Variants in UBR3 observed in about 807,000 individuals in gnomAD.
UBR3 encodes the protein ubiquitin protein ligase E3 component n-recognin 3.
In UBR3, 85 loss-of-function variants were observed where a neutral mutation model predicts 243.2. The observed-to-expected ratio is 0.35, with a 90% CI of 0.29 to 0.42. The LOEUF (loss-of-function observed/expected upper bound fraction) is 0.42, where lower values mean the gene tolerates loss of function less well. Ranked by LOEUF, UBR3 falls within the 10% of genes least tolerant of loss-of-function variation. The pLI is 1.00. For synonymous variants in UBR3, 748 were observed against 799.8 expected (o/e 0.94, Z 1.09); for missense variants, 1,686 against 2,300.8 (o/e 0.73, Z 5.47).
At chr2:169,987,757 A>G (rs1014176317) in intron 25 of UBR3, among the ~76,000 whole-genome samples, 2 of 152,008 alleles carry the variant, frequency 1.3e-5, no homozygotes, top group Admixed American at 6.6e-5. Context: ...ATTCTTACAT[A>G]TTTCTCCAGA....
chr2:169,970,235 G>GT (rs531832498), intron 24 of UBR3, among the ~76,000 whole-genome samples: 11,195 of 85,516 alleles, frequency 0.13, 953 homozygotes, highest in African/African-American at 0.19. Context: ...TTGTTCCTAG[G>GT]TTTTTTTTTT....
At chr2:169,883,477 A>G (rs1167778232) in intron 5 of UBR3, among the ~76,000 whole-genome samples, 1 of 152,216 alleles carries the variant, frequency 6.6e-6, no homozygotes, top group African/African-American at 2.4e-5. Context: ...AAGTATGTCC[A>G]GATTCAGTGG....
At position 170,065,275 on chromosome 2, in the gene UBR3, T is replaced by C. The variant is rs189988456; in HGVS notation, c.5019+3832T>C. Among the ~76,000 whole-genome samples the C allele has an allele frequency of 3.0e-4, 46 of 152,170 alleles. No homozygotes were observed. The Middle Eastern group carries it at 0.014, about 45-fold the overall frequency. On this transcript the variant is annotated intron_variant, in intron 35 of 38. Coordinates refer to ENST00000272793, the MANE Select transcript of UBR3 (RefSeq NM_172070.4). ...TGGTTTATACATTCATTTAGTCAGG[T>C]GTTTTAATACTTTTTTTGGGTGGGC...
chr2:170,077,307 C>T lies in UBR3; in HGVS notation c.5200-2507C>T. On this transcript the variant is annotated intron_variant, in intron 36 of 38. Transcript: ENST00000272793. ...GCCTATTTTCCCCAAATAACCTTGC[C>T]TCCTTGTGTCACAAGGCCCAACTCA... 3.9e-6 allele frequency: 3 copies of T among 768,350 alleles called. No homozygotes were observed. In the South Asian group the frequency reaches 4.0e-5, roughly 10 times the overall value. The allele number at this position is 768,350 out of a possible 1,614,324, so 47.6% of individuals were successfully genotyped here.
intron 10 of UBR3, among the ~76,000 whole-genome samples, chr2:169,907,032 C>CTTTCT (rs1553508749): frequency 8.0e-6 from 1 of 125,140 alleles, no homozygotes. Context: ...GTTCAAATTT[C>CTTTCT]TTTCTTTTTT....
At chr2:170,000,920 C>T (rs187665054) in intron 26 of UBR3, among the ~76,000 whole-genome samples, 5 of 152,056 alleles carry the variant, frequency 3.3e-5, no homozygotes, top group African/African-American at 7.2e-5. Context: ...GGAAAGTAGG[C>T]GTTTCAAGAA....
chr2:169,939,094 T>C (rs988778935), intron 19 of UBR3, among the ~76,000 whole-genome samples: 1 of 152,112 alleles, frequency 6.6e-6, no homozygotes, highest in African/African-American at 2.4e-5. Context: ...CTTGTGTTTT[T>C]ATTCCTATTA....
At chr2:169,960,524 A>G (rs73017623) in intron 24 of UBR3, among the ~76,000 whole-genome samples, 6,515 of 152,112 alleles carry the variant, frequency 0.043, 162 homozygotes, top group Middle Eastern at 0.061. Context: ...GTTTATTGAC[A>G]CTACTTTCCC....
chr2:169,909,005 T>C (rs963620617), intron 10 of UBR3, among the ~76,000 whole-genome samples: 3 of 151,986 alleles, frequency 2.0e-5, no homozygotes, highest in African/African-American at 4.8e-5. Context: ...TTGTATTTTT[T>C]TTAGTAGAAA....
intron 37 of UBR3, 68 bp downstream of exon 37, chr2:170,080,091 C>T (rs2091881776): frequency 7.3e-7 from 1 of 1,379,248 alleles, no homozygotes; most frequent in Non-Finnish European, 1.0e-6. Context: ...ATGGTCAAGC[C>T]ATCTCTTCAT....
chr2:169,907,226 A>C (rs2085051489), intron 10 of UBR3, among the ~76,000 whole-genome samples: 1 of 151,648 alleles, frequency 6.6e-6, no homozygotes, highest in Non-Finnish European at 1.5e-5. Flanking sequence ...TTGTAGAGAC[A>C]GGGTTTCACC....
chr2:169,966,241 A>G (rs1420662503), intron 24 of UBR3, among the ~76,000 whole-genome samples: 2 of 152,176 alleles, frequency 1.3e-5, no homozygotes, highest in Non-Finnish European at 2.9e-5. Flanking sequence ...ACCTTGATCC[A>G]TTAAGATTTG....
Position 169,878,561 on chromosome 2 carries a change from A to G in UBR3, c.1025A>G (p.Asp342Gly). Reference protein sequence around the residue: ...IGATGTLGQVDSSDEDDQDGS... With the variant: ...IGATGTLGQVGSSDEDDQDGS... ...GCAACAGGAACTTTGGGACAAGTGG[A>G]TTCTTCAGATGAGGTGAGATTTAAA... Residue 342 changes from aspartate to glycine, a missense_variant, in exon 5 of 39, where the codon GAT becomes GGT. Physicochemically the swap from Asp to Gly is moderately conservative, Grantham distance 94. Around this residue, in one of 8 missense-constraint regions of UBR3, gnomAD observed 200 missense variants for 231.6 expected, o/e 0.86. Transcript: ENST00000272793. The G allele has an allele frequency of 6.4e-7, 1 of 1,551,252 alleles. No individual in the cohort carries two copies. The highest frequency in any genetic ancestry group is 8.7e-7 in the Non-Finnish European group (1 of 1,146,672).
chr2:169,961,501 G>A (rs2087570422), intron 24 of UBR3, among the ~76,000 whole-genome samples: 1 of 152,086 alleles, frequency 6.6e-6, no homozygotes, highest in South Asian at 2.1e-4. Context: ...AATAATGCAT[G>A]TTTGGTAGCT....
intron 30 of UBR3, among the ~76,000 whole-genome samples, chr2:170,028,002 TA>T (rs1330279345): frequency 6.6e-6 from 1 of 151,886 alleles, no homozygotes; most frequent in Non-Finnish European, 1.5e-5. Context: ...CAATGTAACA[TA>T]ATGCCTGGCA....
At chr2:170,072,795 T>C (rs1179129299) in intron 35 of UBR3, among the ~76,000 whole-genome samples, 1 of 152,190 alleles carries the variant, frequency 6.6e-6, no homozygotes, top group Non-Finnish European at 1.5e-5. Context: ...GGTCTTTCGG[T>C]TAAATAAAGA....
chr2:169,959,650 A>G (rs1334226385), intron 24 of UBR3, among the ~76,000 whole-genome samples: 1 of 152,142 alleles, frequency 6.6e-6, no homozygotes, highest in African/African-American at 2.4e-5. Context: ...CAAAGATGAC[A>G]TCCCATGATC....
Position 169,979,370 on chromosome 2 carries a change from C to T in UBR3, c.3635-7275C>T, listed in dbSNP as rs180814036. ...CCTGTAAAGCTAAGCTTAATCTTAC[C>T]ATATGATCCATCACTTGTGCTCTTA... On this transcript the variant is annotated intron_variant, in intron 24 of 38. Coordinates refer to ENST00000272793, the MANE Select transcript of UBR3 (RefSeq NM_172070.4). 2.0e-3 allele frequency among the ~76,000 whole-genome samples: 304 copies of T among 152,256 alleles called. 3 individuals are homozygous for T. Among genetic ancestry groups the T allele is most frequent in the African/African-American group, 7.0e-3 (292 of 41,546 alleles).
At chr2:169,947,395 T>G (rs1247116040) in intron 21 of UBR3, 147 bp from the exon 22 acceptor site, 2 of 586,350 alleles carry the variant, frequency 3.4e-6, no homozygotes, top group Admixed American at 8.7e-5. Context: ...ATTATTTAAA[T>G]TTATTCACTT....
Sources: gnomAD v4.1 joint callset for allele counts (sites outside exome capture counted in the v4.1 genomes callset) on GRCh38, gnomAD v4.1.1 for gene constraint, gnomAD v4.1.1 regional missense constraint, MANE v1.5 for transcripts, NCBI Gene and HGNC (gene_info 2026-07-23, HGNC 2026-07-21) for gene names.